The following STAT4 variants were observed in gnomAD, a reference collection of about 807,000 sequenced individuals.
The protein encoded by STAT4 is signal transducer and activator of transcription 4.
Under a neutral mutation model 110.5 loss-of-function variants are expected in STAT4, and 42 were observed. The observed-to-expected ratio is 0.38, with a 90% CI of 0.30 to 0.49. STAT4 has a LOEUF of 0.49. Among genes scored for constraint, STAT4 ranks in the 20% least tolerant of loss-of-function variants. STAT4 has a pLI of 0.95. For missense variants in STAT4, 632 were observed against 887.9 expected, an observed-to-expected ratio of 0.71 and a Z score of 3.66; for synonymous variants, 284 against 302.2, an observed-to-expected ratio of 0.94 and a Z score of 0.63.
intron 5 of STAT4, among the ~76,000 whole-genome samples, chr2:191,070,574 TG>T (rs1219775772): frequency 6.6e-6 from 1 of 152,222 alleles, no homozygotes; most frequent in Non-Finnish European, 1.5e-5. Context: ...TTCAGACTAC[TG>T]TACTTCCTTT....
At position 191,035,391 on chromosome 2, in the gene STAT4, C is replaced by A. The variant is rs1038988971; in HGVS notation, c.1570+773G>T. On this transcript the variant is annotated intron_variant, in intron 17 of 23. Transcript: ENST00000392320. The surrounding 1 kb of genome is among the most constrained non-coding windows in gnomAD (Gnocchi z 4.7). ...GAGTAGATGCAAGTGGCAAGCATCCCAGCACCATGTGAGTCAAGCTTAAAT... is the reference window on the plus strand; with the variant it reads ...GAGTAGATGCAAGTGGCAAGCATCCAAGCACCATGTGAGTCAAGCTTAAAT... Among the ~76,000 whole-genome samples, 5 of 152,176 alleles carry A rather than the reference C, an allele frequency of 3.3e-5. No individual in the cohort carries two copies. Among genetic ancestry groups the A allele is most frequent in the African/African-American group, 1.2e-4 (5 of 41,432 alleles).
At chr2:191,052,869 G>A (rs766882135) in intron 14 of STAT4, among the ~76,000 whole-genome samples, 15 of 152,126 alleles carry the variant, frequency 9.9e-5, no homozygotes, top group South Asian at 2.1e-4. Context: ...CCACTCAATC[G>A]TTTTACTAGA....
rs765320577 is a variant in STAT4 at position 191,046,249 on chromosome 2, A to T, written c.1252-5101T>A. On this transcript the variant is annotated intron_variant, in intron 14 of 23. Coordinates refer to ENST00000392320, the MANE Select transcript of STAT4 (RefSeq NM_003151.4). This position sits in a 1 kb window ranked among gnomAD's most constrained non-coding sequence, Gnocchi z 4.6. ...TATCAATCAAGTTAACAAACTGTTA[A>T]CATATGTTCTAGCCTCCTGCCTTGA... Among the ~76,000 whole-genome samples, 2 of 152,228 alleles carry T rather than the reference A, an allele frequency of 1.3e-5. No individual in the cohort carries two copies. Among genetic ancestry groups the T allele is most frequent in the Non-Finnish European group, 2.9e-5 (2 of 68,038 alleles).
chr2:191,056,559 A>ATG (rs138092408), intron 13 of STAT4, among the ~76,000 whole-genome samples: 6 of 151,594 alleles, frequency 4.0e-5, no homozygotes, highest in South Asian at 2.1e-4. Flanking sequence ...GCATGTGTGT[A>ATG]TGTGTGTGTG....
In STAT4 at chr2:191,144,050, G is replaced by GT. The variant is rs1322595161; in HGVS notation, c.273+2562dup. ...TATGGAAGCACAAGAAAGAGCAAGT[G>GT]TTTTTTTCAACTCAAATATCTTAAT... On this transcript the variant is annotated intron_variant, in intron 3 of 23. Transcript: ENST00000392320. This position sits in a 1 kb window ranked among gnomAD's most constrained non-coding sequence, Gnocchi z 4.7. Among the ~76,000 whole-genome samples the GT allele has an allele frequency of 6.6e-6, 1 of 152,020 alleles. No homozygotes were observed. The highest frequency in any genetic ancestry group is 1.5e-5 in the Non-Finnish European group (1 of 68,006).
In STAT4 at chr2:191,146,071, A is replaced by G. The variant is rs1699451974; in HGVS notation, c.273+542T>C. ...AAGTCAAACACATAGAAATAGCAAT[A>G]ATGTCGAATATACTAAATGCCACAG... On this transcript the variant is annotated intron_variant, in intron 3 of 23. Transcript: ENST00000392320. This position sits in a 1 kb window ranked among gnomAD's most constrained non-coding sequence, Gnocchi z 4.5. Among the ~76,000 whole-genome samples, 1 of 152,176 alleles carries G rather than the reference A, an allele frequency of 6.6e-6. No homozygotes were observed. Among genetic ancestry groups the G allele is most frequent in the Non-Finnish European group, 1.5e-5 (1 of 68,028 alleles).
At chr2:191,081,411 T>C (rs925456396) in intron 3 of STAT4, among the ~76,000 whole-genome samples, 4 of 152,176 alleles carry the variant, frequency 2.6e-5, no homozygotes, top group African/African-American at 9.7e-5. Context: ...CTTGAGGAAT[T>C]GTCACACTGT....
chr2:191,094,538 C>T (rs1386242617), intron 3 of STAT4, among the ~76,000 whole-genome samples: 1 of 152,106 alleles, frequency 6.6e-6, no homozygotes, highest in Non-Finnish European at 1.5e-5. Context: ...CAAGCAAATG[C>T]TGAAAGATTT....
intron 14 of STAT4, among the ~76,000 whole-genome samples, chr2:191,044,686 A>C (rs1350942411): frequency 2.6e-5 from 4 of 152,224 alleles, no homozygotes; most frequent in Admixed American, 2.6e-4. Flanking sequence ...ACAATTGCAC[A>C]ACAGGATCAG....
chr2:191,049,167 C>CT (rs11410725), intron 14 of STAT4, among the ~76,000 whole-genome samples: 9,238 of 104,138 alleles, frequency 0.089, 755 homozygotes, highest in Middle Eastern at 0.13. Flanking sequence ...ATGGTAATAG[C>CT]TTTTTTTTTT....
intron 18 of STAT4, 133 bp from the exon 19 acceptor site, chr2:191,034,138 C>T: frequency 1.4e-6 from 1 of 723,814 alleles, no homozygotes; most frequent in South Asian, 2.0e-5. Context: ...AAAAAATATT[C>T]TTGGCCTGGT....
Position 191,029,941 on chromosome 2 carries a change from A to G in STAT4, c.2221-75T>C. 1 of 1,158,942 alleles carries G rather than the reference A, an allele frequency of 8.6e-7. No individual in the cohort carries two copies. Among genetic ancestry groups the G allele is most frequent in the Non-Finnish European group, 1.2e-6 (1 of 801,726 alleles). The allele number at this position is 1,158,942 out of a possible 1,614,324, so 71.8% of individuals were successfully genotyped here. A position where few individuals can be genotyped will look rare whatever the true frequency, so the allele number is the denominator to read the frequency against. ...TCAATCACTATTTCTTGGGCAAATA[A>G]ACGTCCTCTTTTCTACGAATTACTC... On this transcript the variant is annotated intron_variant, in intron 23 of 23. Coordinates refer to ENST00000392320, the MANE Select transcript of STAT4 (RefSeq NM_003151.4). The surrounding 1 kb of genome is among the most constrained non-coding windows in gnomAD (Gnocchi z 4.5).
intron 3 of STAT4, among the ~76,000 whole-genome samples, chr2:191,097,301 C>G (rs539524112): frequency 6.6e-6 from 1 of 152,066 alleles, no homozygotes; most frequent in Non-Finnish European, 1.5e-5. Flanking sequence ...AAAAAGAGCC[C>G]GCATTGCCAA....
chr2:191,112,367 A>C lies in STAT4; in HGVS notation c.273+34246T>G, dbSNP rs1698447670. ...GTTCCCTCATCTGTAAAATGGAAGA[A>C]ATAACATTACATACCTGCCAGGACT... On this transcript the variant is annotated intron_variant, in intron 3 of 23. Coordinates refer to ENST00000392320, the MANE Select transcript of STAT4 (RefSeq NM_003151.4). The surrounding 1 kb of genome is among the most constrained non-coding windows in gnomAD (Gnocchi z 4.3). 6.6e-6 allele frequency among the ~76,000 whole-genome samples: 1 copy of C among 152,180 alleles called. No individual in the cohort carries two copies. Among genetic ancestry groups the C allele is most frequent in the Non-Finnish European group, 1.5e-5 (1 of 68,008 alleles).
chr2:191,110,078 C>A lies in STAT4; in HGVS notation c.274-33753G>T, dbSNP rs1464072420. 6.6e-6 allele frequency among the ~76,000 whole-genome samples: 1 copy of A among 152,160 alleles called. No homozygotes were observed. The highest frequency in any genetic ancestry group is 2.4e-5 in the African/African-American group (1 of 41,428). On this transcript the variant is annotated intron_variant, in intron 3 of 23. Coordinates refer to ENST00000392320, the MANE Select transcript of STAT4 (RefSeq NM_003151.4). The surrounding 1 kb of genome is among the most constrained non-coding windows in gnomAD (Gnocchi z 4.5). Reference sequence around the variant, plus strand: ...CCTAGGATCCAACCACTGCACCTTCCACAGGGCCCTGCATCAGATGCTGGC... The same window carrying A: ...CCTAGGATCCAACCACTGCACCTTCAACAGGGCCCTGCATCAGATGCTGGC...
In STAT4 at chr2:191,146,397, A is replaced by ATGTATTTTATACACTATACTTTTAG. The variant is rs1699461172; in HGVS notation, c.273+191_273+215dup. On this transcript the variant is annotated intron_variant, in intron 3 of 23. Coordinates refer to ENST00000392320, the MANE Select transcript of STAT4 (RefSeq NM_003151.4). This position sits in a 1 kb window ranked among gnomAD's most constrained non-coding sequence, Gnocchi z 4.5. ...AAGTCCCACATGCAACACACTTGTA[A>ATGTATTTTATACACTATACTTTTAG]TGTATTTTATACACTATACTTTTAG... Among the ~76,000 whole-genome samples, 15 of 152,288 alleles carry ATGTATTTTATACACTATACTTTTAG rather than the reference A, an allele frequency of 9.8e-5. No homozygotes were observed. The East Asian group carries it at 2.9e-3, about 29-fold the overall frequency.
intron 3 of STAT4, among the ~76,000 whole-genome samples, chr2:191,109,125 C>G (rs1698357597): frequency 6.6e-6 from 1 of 152,196 alleles, no homozygotes; most frequent in South Asian, 2.1e-4. Context: ...AGTGCTTTCA[C>G]TGATTTCCTG....
chr2:191,056,782 T>TA (rs1696709531), intron 13 of STAT4, among the ~76,000 whole-genome samples: 2 of 144,706 alleles, frequency 1.4e-5, no homozygotes, highest in African/African-American at 5.0e-5. Flanking sequence ...CTACACTATT[T>TA]TTTTTTTTTT....
At position 191,082,298 on chromosome 2, in the gene STAT4, T is replaced by G. The variant is rs1393603627; in HGVS notation, c.274-5973A>C. On this transcript the variant is annotated intron_variant, in intron 3 of 23. Coordinates refer to ENST00000392320, the MANE Select transcript of STAT4 (RefSeq NM_003151.4). This position sits in a 1 kb window ranked among gnomAD's most constrained non-coding sequence, Gnocchi z 4.7. ...CACAAATATCAAATTTGTACCCTGC[T>G]GATTTGTTCCCGTCCCTTTCTGCAT... Among the ~76,000 whole-genome samples the G allele has an allele frequency of 2.0e-5, 3 of 152,242 alleles. No individual in the cohort carries two copies. The highest frequency in any genetic ancestry group is 4.4e-5 in the Non-Finnish European group (3 of 68,046).
Sources: gnomAD v4.1 joint callset for allele counts (sites outside exome capture counted in the v4.1 genomes callset) on GRCh38, gnomAD v4.1.1 for gene constraint, Gnocchi (gnomAD v3.1) non-coding constraint, MANE v1.5 for transcripts, NCBI Gene and HGNC (gene_info 2026-07-23, HGNC 2026-07-21) for gene names.